Variants in ADGRA2 observed in about 807,000 individuals in gnomAD.
ADGRA2 encodes the protein G-protein coupled receptor 124.
ADGRA2 carries 61 observed loss-of-function variants against 98.7 expected under a neutral mutation model. The ratio of observed to expected loss-of-function variants is 0.62; its 90% confidence interval spans 0.50 to 0.76. The LOEUF (loss-of-function observed/expected upper bound fraction) is 0.76. Ranked by LOEUF, ADGRA2 falls within the 30% of genes least tolerant of loss-of-function variation. The pLI is 0.00. For synonymous variants in ADGRA2, 858 were observed against 831.5 expected, an observed-to-expected ratio of 1.03 and a Z score of -0.55; for missense variants, 1,712 against 1,860.0, an observed-to-expected ratio of 0.92 and a Z score of 1.46.
At position 37,838,962 on chromosome 8, in the gene ADGRA2, A is replaced by G. The variant is rs767906096; in HGVS notation, c.2266A>G (p.Ser756Gly). 10 of 1,567,708 alleles carry G rather than the reference A, an allele frequency of 6.4e-6. No individual in the cohort carries two copies. The African/African-American group carries it at 1.4e-4, about 21-fold the overall frequency. Reference protein sequence around the residue: ...LGNVAVLMELSAFPREVGGAG... With the variant: ...LGNVAVLMELGAFPREVGGAG... The stretch of plus-strand genomic sequence containing the variant: ...CCTTCCTGCCCTTTCCCAGGAGCTG[A>G]GCGCCTTTCCCAGGGAGGTGGGGGG... Residue 756 changes from serine (S) to glycine (G), a missense_variant, in exon 15 of 19, where the codon AGC (serine) becomes GGC (glycine). Physicochemically the swap from Ser to Gly is moderately conservative, Grantham distance 56. Coordinates refer to ENST00000412232, the MANE Select transcript of ADGRA2 (RefSeq NM_032777.10).
intron 1 of ADGRA2, among the ~76,000 whole-genome samples, chr8:37,799,258 C>T (rs111907957): frequency 0.075 from 11,367 of 152,134 alleles, 566 homozygotes; most frequent in Non-Finnish European, 0.11. Context: ...GCCTGTAATC[C>T]CAGCTACTCA....
chr8:37,842,186 G>T lies in ADGRA2; in HGVS notation c.3848G>T (p.Gly1283Val), dbSNP rs546264591. 1.9e-4 allele frequency: 289 copies of T among 1,539,288 alleles called. 10 individuals carry two copies. In the South Asian group the frequency reaches 3.3e-3, roughly 18 times the overall value. ...RSASRDSLKG[G>V]GALEKESHRR... ...GCCAGCCGCGACAGTCTCAAGGGCGGCGGCGCGCTGGAGAAGGAGAGCCAT... is the reference window on the plus strand; with the variant it reads ...GCCAGCCGCGACAGTCTCAAGGGCGTCGGCGCGCTGGAGAAGGAGAGCCAT... The change falls in exon 19 of 19, where the codon GGC becomes GTC. Residue 1283 changes from glycine to valine, a missense_variant. By Grantham distance (109) the Gly-to-Val change is moderately radical. Transcript: ENST00000412232.
In ADGRA2 at chr8:37,842,040, C is replaced by T; in HGVS notation, c.3702C>T (p.Ser1234=). The T allele has an allele frequency of 6.6e-7, 1 of 1,519,276 alleles. No individual in the cohort carries two copies. The highest frequency in any genetic ancestry group is 8.8e-7 in the Non-Finnish European group (1 of 1,140,948). 94.1% of individuals were successfully genotyped at this position (1,519,276 alleles called of 1,614,324 possible). ...CCACCGACAGCTACCTGGGCAGCAGCCGCAACAGCCCGGGCGCCGGCCTGC... is the reference window on the plus strand; with the variant it reads ...CCACCGACAGCTACCTGGGCAGCAGTCGCAACAGCCCGGGCGCCGGCCTGC... ...NSPTDSYLGS[S]RNSPGAGLQL... Residue 1234 remains serine, a synonymous_variant, in exon 19 of 19, where the codon AGC becomes AGT. Coordinates refer to ENST00000412232, the MANE Select transcript of ADGRA2 (RefSeq NM_032777.10).
At chr8:37,811,928 C>G (rs1208544917) in intron 1 of ADGRA2, among the ~76,000 whole-genome samples, 1 of 151,490 alleles carries the variant, frequency 6.6e-6, no homozygotes, top group Non-Finnish European at 1.5e-5. Context: ...CATGGTGAAA[C>G]CCCGCCTCTA....
chr8:37,798,311 G>A (rs1409650235), intron 1 of ADGRA2, among the ~76,000 whole-genome samples: 1 of 152,226 alleles, frequency 6.6e-6, no homozygotes, highest in African/African-American at 2.4e-5. Context: ...AAAGAAACGC[G>A]GCTGGGGAAG....
Position 37,842,330 on chromosome 8 carries a change from T to C in ADGRA2, c.3992T>C (p.Leu1331Pro). 6.6e-7 allele frequency: 1 copy of C among 1,513,970 alleles called. No homozygotes were observed. Among genetic ancestry groups the C allele is most frequent in the African/African-American group, 1.5e-5 (1 of 68,924 alleles). 93.8% of individuals were successfully genotyped at this position (1,513,970 alleles called of 1,614,324 possible). The part of the protein sequence containing the change: ...VASGGCMKTG[L>P]WKSETTV ...AGCGGCGGCTGCATGAAGACCGGAC[T>C]CTGGAAGAGCGAAACTACCGTCTAA... Residue 1331 changes from leucine (L) to proline (P), a missense_variant, in exon 19 of 19, where the codon CTC becomes CCC. Physicochemically the swap from Leu to Pro is moderately conservative, Grantham distance 98. Transcript: ENST00000412232.
chr8:37,830,584 C>A lies in ADGRA2; in HGVS notation c.719-126C>A. The A allele has an allele frequency of 1.5e-6, 1 of 663,992 alleles. No individual in the cohort carries two copies. Among genetic ancestry groups the A allele is most frequent in the South Asian group, 1.8e-5 (1 of 55,686 alleles). 41.1% of individuals were successfully genotyped at this position (663,992 alleles called of 1,614,324 possible). ...CTTTCTCTTGACCCCTTTTCCTTCC[C>A]AGCTGGAGCAGGCTGCAGGCCGAGG... On this transcript the variant is annotated intron_variant, in intron 6 of 18. Transcript: ENST00000412232. This position sits in a 1 kb window ranked among gnomAD's most constrained non-coding sequence, Gnocchi z 4.8.
chr8:37,801,102 G>A (rs1804488496), intron 1 of ADGRA2, among the ~76,000 whole-genome samples: 1 of 152,104 alleles, frequency 6.6e-6, no homozygotes, highest in African/African-American at 2.4e-5. Context: ...AGTCAGAGGC[G>A]ACCCCGTTCA....
At position 37,834,585 on chromosome 8, in the gene ADGRA2, A is replaced by C. The variant is rs1204051594; in HGVS notation, c.1608+457A>C. Among the ~76,000 whole-genome samples, 5 of 152,304 alleles carry C rather than the reference A, an allele frequency of 3.3e-5. No homozygotes were observed. The highest frequency in any genetic ancestry group is 1.2e-4 in the African/African-American group (5 of 41,580). On this transcript the variant is annotated intron_variant, in intron 11 of 18. Coordinates refer to ENST00000412232, the MANE Select transcript of ADGRA2 (RefSeq NM_032777.10). This position sits in a 1 kb window ranked among gnomAD's most constrained non-coding sequence, Gnocchi z 4.2. ...GGGTGAGACATGGAGCCTGCTCTAC[A>C]GCTGAGTCGGGCAACAGAACTGGCA...
chr8:37,797,572 A>C lies in ADGRA2; in HGVS notation c.266+38A>C. 7.5e-7 allele frequency: 1 copy of C among 1,325,930 alleles called. No homozygotes were observed. The highest frequency in any genetic ancestry group is 9.7e-7 in the Non-Finnish European group (1 of 1,030,594). 82.1% of individuals were successfully genotyped at this position (1,325,930 alleles called of 1,614,324 possible). ...CCAGGCCAGTTCCGTCCGAGCCGGG[A>C]CTGGGGACGAAGGGAGGCGAGACGG... On this transcript the variant is annotated intron_variant, in intron 1 of 18. Transcript: ENST00000412232. This position sits in a 1 kb window ranked among gnomAD's most constrained non-coding sequence, Gnocchi z 5.3.
intron 14 of ADGRA2, 119 bp from the exon 15 acceptor site, chr8:37,838,837 G>T: frequency 8.0e-7 from 1 of 1,248,964 alleles, no homozygotes; most frequent in East Asian, 2.5e-5. Flanking sequence ...TCCCTGCCCA[G>T]ATGAACTAAG....
chr8:37,832,937 G>A (rs969664393), intron 8 of ADGRA2, 73 bp from the exon 9 acceptor site: 72 of 1,211,736 alleles, frequency 5.9e-5, no homozygotes, highest in Non-Finnish European at 8.3e-5. Context: ...CGGCCTCACC[G>A]TTCTAAAGTC....
At chr8:37,838,530 G>A (rs925537613) in intron 14 of ADGRA2, among the ~76,000 whole-genome samples, 2 of 152,122 alleles carry the variant, frequency 1.3e-5, no homozygotes, top group African/African-American at 4.8e-5. Flanking sequence ...TGGGATTATA[G>A]GCATGAGTCA....
At chr8:37,800,231 G>C (rs537049301) in intron 1 of ADGRA2, among the ~76,000 whole-genome samples, 9 of 152,366 alleles carry the variant, frequency 5.9e-5, no homozygotes, top group African/African-American at 1.9e-4. Context: ...GAGTCAGTAA[G>C]GCTGAAATGC....
chr8:37,842,397 C>T lies in ADGRA2; in HGVS notation c.*42C>T. 7.7e-6 allele frequency: 11 copies of T among 1,428,734 alleles called. No homozygotes were observed. The highest frequency in any genetic ancestry group is 1.0e-5 in the Non-Finnish European group (11 of 1,092,666). 88.5% of individuals were successfully genotyped at this position (1,428,734 alleles called of 1,614,324 possible). ...CGGTAGACGGGCTGGCCACGCGGCT[C>T]GTTCCCCCGCTCCTCGGGGCCCTCC... is the stretch of plus-strand genomic sequence containing the variant. On this transcript the variant is annotated 3_prime_UTR_variant, in exon 19 of 19. Coordinates refer to ENST00000412232, the MANE Select transcript of ADGRA2 (RefSeq NM_032777.10).
chr8:37,841,950 G>C lies in ADGRA2; in HGVS notation c.3612G>C (p.Leu1204=). ...GCGGCAAGAACCGGCTCAAGGCCCT[G>C]CGCGGGGGCGCGGCGGGGGCGCTGG... ...EACGKNRLKA[L]RGGAAGALEL... The change falls in exon 19 of 19, where the codon CTG becomes CTC. Residue 1204 remains leucine, a synonymous_variant. Transcript: ENST00000412232. The surrounding 1 kb of genome is among the most constrained non-coding windows in gnomAD (Gnocchi z 5.0). 1 of 1,505,094 alleles carries C rather than the reference G, an allele frequency of 6.6e-7. No individual in the cohort carries two copies. The highest frequency in any genetic ancestry group is 1.2e-5 in the South Asian group (1 of 80,222). 93.2% of individuals were successfully genotyped at this position (1,505,094 alleles called of 1,614,324 possible). A position where few individuals can be genotyped will look rare whatever the true frequency, so the allele number is the denominator to read the frequency against.
At position 37,837,844 on chromosome 8, in the gene ADGRA2, G is replaced by A. The variant is rs1293909372; in HGVS notation, c.2164G>A (p.Gly722Arg). Reference protein sequence around the residue: ...WWSQEGPGEAGGWTSEGCQLR... With the variant: ...WWSQEGPGEARGWTSEGCQLR... ...GAGCCAGGAGGGGCCCGGGGAGGCT[G>A]GGGGCTGGACCTCGGAGGGCTGCCA... The change falls in exon 14 of 19, where the codon GGG (glycine) becomes AGG (arginine). Residue 722 changes from glycine (G) to arginine (R), a missense_variant. Coordinates refer to ENST00000412232, the MANE Select transcript of ADGRA2 (RefSeq NM_032777.10). 19 of 1,523,230 alleles carry A rather than the reference G, an allele frequency of 1.2e-5. No homozygotes were observed. The highest frequency in any genetic ancestry group is 1.6e-5 in the Non-Finnish European group (18 of 1,133,702). 94.4% of individuals were successfully genotyped at this position (1,523,230 alleles called of 1,614,324 possible).
At chr8:37,835,104 A>G (rs1187985038) in intron 11 of ADGRA2, 70 bp from the exon 12 acceptor site, 2 of 1,112,028 alleles carry the variant, frequency 1.8e-6, no homozygotes, top group African/African-American at 3.1e-5. Flanking sequence ...AGGCCCATTG[A>G]GAGAGATGTG....
chr8:37,821,319 A>C (rs1399008409), intron 2 of ADGRA2, among the ~76,000 whole-genome samples: 1 of 152,214 alleles, frequency 6.6e-6, no homozygotes, highest in Non-Finnish European at 1.5e-5. Context: ...GCATGGCAGC[A>C]CAGGCTTCCA....
Sources: gnomAD v4.1 joint callset for allele counts (sites outside exome capture counted in the v4.1 genomes callset) on GRCh38, gnomAD v4.1.1 for gene constraint, Gnocchi (gnomAD v3.1) non-coding constraint, MANE v1.5 for transcripts, NCBI Gene and HGNC (gene_info 2026-07-23, HGNC 2026-07-21) for gene names.